TFR2: variants seen among roughly 807,000 people sequenced by gnomAD.
TFR2 encodes transferrin receptor protein 2.
In TFR2, 64 loss-of-function variants were observed where a neutral mutation model predicts 91.9. The observed-to-expected ratio is 0.70, with a 90% CI of 0.57 to 0.86. The LOEUF is 0.86. Ranked by LOEUF, TFR2 falls within the 40% of genes least tolerant of loss-of-function variation. TFR2 has a pLI of 0.00. For synonymous variants in TFR2, 454 were observed against 459.6 expected, an observed-to-expected ratio of 0.99 and a Z score of 0.15; for missense variants, 950 against 1,080.5, an observed-to-expected ratio of 0.88 and a Z score of 1.69.
chr7:100,641,412 T>C, intron 1 of TFR2, 65 bp downstream of exon 1: 1 of 1,603,098 alleles, frequency 6.2e-7, no homozygotes, highest in East Asian at 2.2e-5. Flanking sequence ...CCTCAGGGGC[T>C]TGGGAGGGGG....
At chr7:100,629,026 G>A (rs1562839593) in intron 10 of TFR2, among the ~76,000 whole-genome samples, 1 of 152,196 alleles carries the variant, frequency 6.6e-6, no homozygotes, top group Non-Finnish European at 1.5e-5. Context: ...GCCTCCCAAA[G>A]TGCTGGGACT....
intron 3 of TFR2, among the ~76,000 whole-genome samples, chr7:100,636,548 T>C (rs1410180001): frequency 6.6e-6 from 1 of 151,746 alleles, no homozygotes; most frequent in Non-Finnish European, 1.5e-5. Flanking sequence ...ACTGAACATC[T>C]AGTAAGTGCC....
Position 100,640,815 on chromosome 7 carries a change from A to T in TFR2, c.344T>A (p.Val115Glu), listed in dbSNP as rs1255094175. 6.2e-7 allele frequency: 1 copy of T among 1,614,074 alleles called. No individual in the cohort carries two copies. The highest frequency in any genetic ancestry group is 1.3e-5 in the African/African-American group (1 of 74,932). ...GTTGACATCCTCACTGACCACCAAC[A>T]CAGAGTCTCCGCACGCCTGGCAGGA... is the stretch of plus-strand genomic sequence containing the variant. Reference protein sequence around the residue: ...RGSCQACGDSVLVVSEDVNYE... With the variant: ...RGSCQACGDSELVVSEDVNYE... Residue 115 changes from valine to glutamate, a missense_variant, in exon 3 of 18, where the codon GTG becomes GAG. By Grantham distance (121) the Val-to-Glu change is moderately radical. Coordinates refer to ENST00000223051, the MANE Select transcript of TFR2 (RefSeq NM_003227.4).
intron 17 of TFR2, among the ~76,000 whole-genome samples, chr7:100,624,717 A>G (rs1387160417): frequency 6.6e-6 from 1 of 152,082 alleles, no homozygotes; most frequent in Admixed American, 6.6e-5. Context: ...AATTTTAAAA[A>G]TTAGCGGAGT....
rs147286030 is a variant in TFR2, at chr7:100,627,447, A to G, written c.1812T>C (p.Tyr604=). Residue 604 remains tyrosine, a synonymous_variant, in exon 16 of 18, where the codon TAT becomes TAC. Transcript: ENST00000223051. ...CTTGCAGCACCTTATGCAGGTTCTC[A>G]TAAGTGTCCTCCTTTGTGTGCAGGA... ...YPFLHTKEDT[Y]ENLHKVLQGR... The G allele has an allele frequency of 3.5e-4, 561 of 1,598,544 alleles. No individual in the cohort carries two copies. The highest frequency in any genetic ancestry group is 4.5e-4 in the Non-Finnish European group (529 of 1,172,838).
intron 10 of TFR2, 63 bp downstream of exon 10, chr7:100,629,190 T>A: frequency 1.9e-6 from 3 of 1,603,834 alleles, no homozygotes; most frequent in Non-Finnish European, 2.6e-6. Context: ...CTCTGCCCTA[T>A]CCTCCTCGGG....
chr7:100,641,290 G>T (rs1032310005), intron 1 of TFR2, 62 bp from the exon 2 acceptor site: 2 of 1,311,816 alleles, frequency 1.5e-6, no homozygotes, highest in Non-Finnish European at 2.0e-6. Flanking sequence ...GAGGCATCTG[G>T]CAATAATGAG....
At position 100,620,974 on chromosome 7, in the gene TFR2, G is replaced by A. The variant is rs374915672; in HGVS notation, c.2289C>T (p.Ser763=). 4.7e-5 allele frequency: 75 copies of A among 1,612,804 alleles called. No homozygotes were observed. The highest frequency in any genetic ancestry group is 6.0e-5 in the Non-Finnish European group (71 of 1,179,570). The change falls in exon 18 of 18, where the codon TCC becomes TCT. Residue 763 remains serine (S), a synonymous_variant. Transcript: ENST00000223051. ...AACGGCTCTCCTGGAAGCCAGTGGAGGAGGTGGCCCCGGGGGTCCCGGAGC... is the reference window on the plus strand; with the variant it reads ...AACGGCTCTCCTGGAAGCCAGTGGAAGAGGTGGCCCCGGGGGTCCCGGAGC... ...SNSSGTPGAT[S]STGFQESRFR... is the part of the protein sequence containing the mutation.
At chr7:100,626,122 C>T (rs1017101378) in intron 17 of TFR2, among the ~76,000 whole-genome samples, 1 of 152,124 alleles carries the variant, frequency 6.6e-6, no homozygotes, top group Non-Finnish European at 1.5e-5. Context: ...CCTACTCACC[C>T]ATTTCTTGAC....
chr7:100,630,732 C>G (rs1348837533), intron 9 of TFR2, among the ~76,000 whole-genome samples, 157 bp downstream of exon 9: 9 of 152,238 alleles, frequency 5.9e-5, no homozygotes, highest in Admixed American at 5.9e-4. Flanking sequence ...CACCATCAGA[C>G]CCAGTTCAGC....
intron 3 of TFR2, among the ~76,000 whole-genome samples, chr7:100,636,883 C>A (rs1224820765): frequency 6.6e-6 from 1 of 152,128 alleles, no homozygotes; most frequent in South Asian, 2.1e-4. Flanking sequence ...ACTTTTGCCT[C>A]AGTGCCACAC....
At position 100,628,145 on chromosome 7, in the gene TFR2, G is replaced by A. The variant is rs768409892; in HGVS notation, c.1474-9C>T. The A allele has an allele frequency of 1.7e-5, 27 of 1,613,964 alleles. No individual in the cohort carries two copies. The highest frequency in any genetic ancestry group is 2.3e-5 in the Non-Finnish European group (27 of 1,180,000). ...AGCACGCTGAGGTAGCCCTGTGGGT[G>A]GGTGACCAGTGTGGAGTGGGAACCC... On this transcript the variant is annotated splice_polypyrimidine_tract_variant and intron_variant, in intron 11 of 17. Transcript: ENST00000223051.
intron 10 of TFR2, among the ~76,000 whole-genome samples, chr7:100,628,825 G>C (rs1803343193): frequency 6.6e-6 from 1 of 151,786 alleles, no homozygotes; most frequent in African/African-American, 2.4e-5. Context: ...GGAGTGCAGT[G>C]GTGCGATCTC....
intron 3 of TFR2, among the ~76,000 whole-genome samples, chr7:100,637,401 C>A (rs1337773092): frequency 4.1e-5 from 6 of 147,932 alleles, no homozygotes; most frequent in Non-Finnish European, 4.5e-5. Context: ...CTCTGTCTCA[C>A]AAAAAAAAAG....
intron 17 of TFR2, 93 bp downstream of exon 17, chr7:100,626,670 G>A: frequency 6.6e-7 from 1 of 1,513,334 alleles, no homozygotes; most frequent in Non-Finnish European, 8.8e-7. Flanking sequence ...GGCGGGGAGA[G>A]AGAGGAGCGC....
At chr7:100,634,498 T>C (rs1803537557) in intron 3 of TFR2, among the ~76,000 whole-genome samples, 1 of 152,062 alleles carries the variant, frequency 6.6e-6, no homozygotes, top group East Asian at 1.9e-4. Context: ...CAAGCGATCC[T>C]CCCAAAGTGC....
intron 3 of TFR2, among the ~76,000 whole-genome samples, chr7:100,634,367 C>A (rs572107605): frequency 1.3e-5 from 2 of 152,112 alleles, no homozygotes; most frequent in Non-Finnish European, 2.9e-5. Context: ...GCCATCCTCC[C>A]GCCTCAGCCT....
intron 17 of TFR2, among the ~76,000 whole-genome samples, chr7:100,625,021 C>T (rs1803215298): frequency 6.6e-6 from 1 of 151,772 alleles, no homozygotes; most frequent in Admixed American, 6.6e-5. Flanking sequence ...CCTCTCCATC[C>T]CTGAGCCTGA....
At chr7:100,635,332 C>T (rs542798937) in intron 3 of TFR2, among the ~76,000 whole-genome samples, 2 of 152,076 alleles carry the variant, frequency 1.3e-5, no homozygotes, top group South Asian at 4.2e-4. Flanking sequence ...ACCTTCAGCT[C>T]CTAAGCTCAA....
Sources: gnomAD v4.1 joint callset for allele counts (sites outside exome capture counted in the v4.1 genomes callset) on GRCh38, gnomAD v4.1.1 for gene constraint, MANE v1.5 for transcripts, NCBI Gene and HGNC (gene_info 2026-07-23, HGNC 2026-07-21) for gene names.